The following RAB3GAP2 variants were observed in gnomAD, a reference collection of about 807,000 sequenced individuals.
The protein encoded by RAB3GAP2 is RAB3 GTPase activating non-catalytic protein subunit 2.
Under a neutral mutation model 185.3 loss-of-function variants are expected in RAB3GAP2, and 87 were observed. That is an observed-to-expected ratio of 0.47 (90% CI 0.39 to 0.56). The LOEUF (loss-of-function observed/expected upper bound fraction) is 0.56. RAB3GAP2 is among the 20% of genes least tolerant of loss of function. The probability of loss-of-function intolerance (pLI) is 0.00; values close to 1 mark genes in which losing one functional copy is unlikely to be tolerated. For synonymous variants in RAB3GAP2, 554 were observed against 576.1 expected (o/e 0.96, Z 0.55); for missense variants, 1,492 against 1,638.2 (o/e 0.91, Z 1.54).
At chr1:220,211,260 A>C (rs762549772) in intron 4 of RAB3GAP2, 1 of 621,942 alleles carries the variant, frequency 1.6e-6, no homozygotes, top group Non-Finnish European at 3.0e-6. Flanking sequence ...GAAAAACATG[A>C]AAGTACAGAA....
chr1:220,215,894 T>A (rs1182477538), intron 2 of RAB3GAP2, among the ~76,000 whole-genome samples: 2 of 152,160 alleles, frequency 1.3e-5, no homozygotes, highest in African/African-American at 2.4e-5. Flanking sequence ...AATTATAATT[T>A]CATGCTTTTT....
chr1:220,232,694 T>C (rs1659522935), intron 2 of RAB3GAP2, 105 bp downstream of exon 2: 2 of 1,064,262 alleles, frequency 1.9e-6, no homozygotes, highest in Admixed American at 3.5e-5. Context: ...AAAAATATTC[T>C]TGACATCGAA....
intron 1 of RAB3GAP2, among the ~76,000 whole-genome samples, chr1:220,263,190 T>C (rs1660171955): frequency 6.6e-6 from 1 of 152,138 alleles, no homozygotes; most frequent in African/African-American, 2.4e-5. Context: ...TTATATATTC[T>C]GGATATTAAT....
chr1:220,212,864 A>C (rs1225520457), intron 4 of RAB3GAP2, 23 bp downstream of exon 4: 1 of 1,579,908 alleles, frequency 6.3e-7, no homozygotes, highest in Non-Finnish European at 8.7e-7. Context: ...CACACAGAGA[A>C]ACAAAAATTA....
Position 220,255,315 on chromosome 1 carries a change from A to G in RAB3GAP2, c.115+16908T>C, listed in dbSNP as rs529922078. ...CAAAGACTGAAGATAGATAGCCCCC[A>G]AAGATGAGAAAGAATCAATACAAAA... On this transcript the variant is annotated intron_variant, in intron 1 of 34. Transcript: ENST00000358951. Among the ~76,000 whole-genome samples, 30 of 152,306 alleles carry G rather than the reference A, an allele frequency of 2.0e-4. No homozygotes were observed. The South Asian group carries it at 5.6e-3, about 28-fold the overall frequency.
intron 25 of RAB3GAP2, 34 bp downstream of exon 25, chr1:220,167,468 T>C (rs746412530): frequency 9.3e-6 from 15 of 1,613,554 alleles, no homozygotes; most frequent in Non-Finnish European, 1.3e-5. Context: ...TCTTTCCAAT[T>C]TGGATTTCAT....
Position 220,152,861 on chromosome 1 carries a change from T to C in RAB3GAP2, c.3867+324A>G, listed in dbSNP as rs549687333. On this transcript the variant is annotated intron_variant, in intron 33 of 34. Coordinates refer to ENST00000358951, the MANE Select transcript of RAB3GAP2 (RefSeq NM_012414.4). Reference sequence around the variant, plus strand: ...GTGAGCCACGACACCCGGCCCTCTTTATTTTCTTCATAGCACCTATCATTC... The same window carrying C: ...GTGAGCCACGACACCCGGCCCTCTTCATTTTCTTCATAGCACCTATCATTC... Among the ~76,000 whole-genome samples the C allele has an allele frequency of 8.5e-5, 13 of 152,272 alleles. No individual in the cohort carries two copies. In the East Asian group the frequency reaches 1.9e-3, roughly 23 times the overall value.
At chr1:220,221,816 T>C (rs1659312460) in intron 2 of RAB3GAP2, among the ~76,000 whole-genome samples, 1 of 152,244 alleles carries the variant, frequency 6.6e-6, no homozygotes, top group African/African-American at 2.4e-5. Flanking sequence ...CTTTCAACTA[T>C]AGCTGGCATT....
intron 2 of RAB3GAP2, among the ~76,000 whole-genome samples, chr1:220,221,533 T>C (rs1433493362): frequency 6.6e-6 from 1 of 152,202 alleles, no homozygotes; most frequent in East Asian, 1.9e-4. Flanking sequence ...AATGAATGAA[T>C]GCACCTATAA....
At chr1:220,167,698 A>T (rs750474849) in intron 24 of RAB3GAP2, 23 bp from the exon 25 acceptor site, 1 of 1,610,614 alleles carries the variant, frequency 6.2e-7, no homozygotes, top group Non-Finnish European at 8.5e-7. Context: ...GACAAGAAAG[A>T]AAATAAAAAT....
intron 2 of RAB3GAP2, among the ~76,000 whole-genome samples, chr1:220,221,831 G>A (rs895852016): frequency 6.6e-6 from 1 of 152,188 alleles, no homozygotes; most frequent in East Asian, 1.9e-4. Flanking sequence ...GGCATTATAG[G>A]GACTGGTAAT....
intron 1 of RAB3GAP2, chr1:220,253,823 C>T: frequency 6.2e-7 from 1 of 1,612,192 alleles, no homozygotes; most frequent in South Asian, 1.1e-5. Context: ...GAGCAGTATG[C>T]AGAGGGGAAG....
chr1:220,168,558 C>T (rs1054386744), intron 24 of RAB3GAP2, among the ~76,000 whole-genome samples: 3 of 151,930 alleles, frequency 2.0e-5, no homozygotes, highest in Admixed American at 1.3e-4. Flanking sequence ...CCACCATGCC[C>T]GGCTAAATTT....
intron 2 of RAB3GAP2, among the ~76,000 whole-genome samples, chr1:220,222,892 TA>T (rs978800884): frequency 6.6e-6 from 1 of 152,222 alleles, no homozygotes; most frequent in Non-Finnish European, 1.5e-5. Flanking sequence ...TTATTATTTT[TA>T]TTTTTCTGTA....
At chr1:220,200,390 G>T in intron 9 of RAB3GAP2, 1 of 322,394 alleles carries the variant, frequency 3.1e-6, no homozygotes. Flanking sequence ...TTTATTGTTT[G>T]TCTCCCCATC....
rs1344842182 is a variant in RAB3GAP2 at position 220,232,784 on chromosome 1, T to C, written c.180+15A>G. 1 of 1,602,556 alleles carries C rather than the reference T, an allele frequency of 6.2e-7. No homozygotes were observed. The highest frequency in any genetic ancestry group is 8.6e-7 in the Non-Finnish European group (1 of 1,169,554). The stretch of plus-strand genomic sequence containing the variant: ...GCCACTATCAAAAAACATGCATATA[T>C]TTGTAAAGACTTACAGGTTCTTGTG... On this transcript the variant is annotated intron_variant, in intron 2 of 34. Coordinates refer to ENST00000358951, the MANE Select transcript of RAB3GAP2 (RefSeq NM_012414.4).
rs1162242502 is a variant in RAB3GAP2 at position 220,148,549 on chromosome 1, T to C, written c.*2702A>G. On this transcript the variant is annotated 3_prime_UTR_variant, in exon 35 of 35. Coordinates refer to ENST00000358951, the MANE Select transcript of RAB3GAP2 (RefSeq NM_012414.4). ...CTTTTGCTGTTGCTATAGTGTACTG[T>C]AAAAATATTTGTTCCTTATAAATGA... 1 of 152,162 alleles carries C rather than the reference T, an allele frequency of 6.6e-6. No individual in the cohort carries two copies. The highest frequency in any genetic ancestry group is 1.5e-5 in the Non-Finnish European group (1 of 68,012). The allele number at this position is 152,162 out of a possible 1,614,324, so 9.4% of individuals were successfully genotyped here.
chr1:220,232,597 C>A (rs987239877), intron 2 of RAB3GAP2, among the ~76,000 whole-genome samples: 14 of 152,314 alleles, frequency 9.2e-5, no homozygotes, highest in Non-Finnish European at 7.3e-5. Context: ...TATAGCAACA[C>A]CAAGTGAACG....
intron 2 of RAB3GAP2, among the ~76,000 whole-genome samples, chr1:220,224,371 AAG>A (rs563071201): frequency 6.6e-6 from 1 of 152,304 alleles, no homozygotes; most frequent in East Asian, 1.9e-4. Context: ...TATAGGAAAA[AAG>A]AAAAGAAAAA....
Sources: gnomAD v4.1 joint callset for allele counts (sites outside exome capture counted in the v4.1 genomes callset) on GRCh38, gnomAD v4.1.1 for gene constraint, MANE v1.5 for transcripts, NCBI Gene and HGNC (gene_info 2026-07-23, HGNC 2026-07-21) for gene names.